SEMA5A: variants seen among roughly 807,000 people sequenced by gnomAD.
The protein encoded by SEMA5A is semaphorin-5A.
In SEMA5A, 55 loss-of-function variants were observed where a neutral mutation model predicts 135.5. That is an observed-to-expected ratio of 0.41 (90% CI 0.33 to 0.51). The LOEUF is 0.51. SEMA5A is among the 20% of genes least tolerant of loss of function. The pLI is 0.37. For missense variants in SEMA5A, 1,290 were observed against 1,419.9 expected, an observed-to-expected ratio of 0.91 and a Z score of 1.47; for synonymous variants, 580 against 546.5, an observed-to-expected ratio of 1.06 and a Z score of -0.85.
At chr5:9,443,785 C>G (rs1758327022) in intron 1 of SEMA5A, among the ~76,000 whole-genome samples, 1 of 152,262 alleles carries the variant, frequency 6.6e-6, no homozygotes, top group Non-Finnish European at 1.5e-5. Flanking sequence ...CATTCCCTTC[C>G]ACTGGCAGAA....
At chr5:9,510,003 T>C (rs535537271) in intron 1 of SEMA5A, among the ~76,000 whole-genome samples, 1 of 152,152 alleles carries the variant, frequency 6.6e-6, no homozygotes, top group South Asian at 2.1e-4. Context: ...AGCAACAGAT[T>C]TTACATGGGG....
intron 11 of SEMA5A, among the ~76,000 whole-genome samples, chr5:9,185,632 A>T (rs193232132): frequency 7.5e-4 from 114 of 152,324 alleles, no homozygotes; most frequent in African/African-American, 2.6e-3. Flanking sequence ...ATGCCATAAA[A>T]TTCACCCACT....
At chr5:9,091,356 A>T (rs1404425065) in intron 16 of SEMA5A, among the ~76,000 whole-genome samples, 2 of 152,152 alleles carry the variant, frequency 1.3e-5, no homozygotes, top group African/African-American at 4.8e-5. Flanking sequence ...TATACTGTAG[A>T]TGTACCCATG....
intron 5 of SEMA5A, among the ~76,000 whole-genome samples, chr5:9,275,374 T>A (rs1334876760): frequency 2.0e-5 from 3 of 152,122 alleles, no homozygotes; most frequent in African/African-American, 7.2e-5. Context: ...CGGGACCAGA[T>A]GGACTCCCAG....
chr5:9,462,647 T>TA (rs1469464578), intron 1 of SEMA5A, among the ~76,000 whole-genome samples: 1 of 151,986 alleles, frequency 6.6e-6, no homozygotes, highest in African/African-American at 2.4e-5. Context: ...ATGCAGCCAT[T>TA]AAAAAAATCA....
intron 10 of SEMA5A, among the ~76,000 whole-genome samples, chr5:9,191,729 T>C (rs1238631091): frequency 6.6e-6 from 1 of 152,252 alleles, no homozygotes; most frequent in African/African-American, 2.4e-5. Context: ...ACGGATTTCA[T>C]GCATCCAGTC....
intron 1 of SEMA5A, among the ~76,000 whole-genome samples, chr5:9,474,789 G>A (rs1405538166): frequency 1.3e-5 from 2 of 152,066 alleles, no homozygotes; most frequent in Non-Finnish European, 1.5e-5. Context: ...CCCCTCGCCC[G>A]AGACACTCTG....
intron 2 of SEMA5A, among the ~76,000 whole-genome samples, chr5:9,393,687 T>C (rs532871634): frequency 1.3e-5 from 2 of 152,188 alleles, no homozygotes; most frequent in Non-Finnish European, 2.9e-5. Flanking sequence ...GCTTTATAAA[T>C]CTTGTAGGAA....
chr5:9,353,373 GAAA>G (rs1754294425), intron 3 of SEMA5A, among the ~76,000 whole-genome samples: 1 of 147,200 alleles, frequency 6.8e-6, no homozygotes, highest in Non-Finnish European at 1.5e-5. Flanking sequence ...GAAAGGAAAG[GAAA>G]GGAAAGGAAA....
At position 9,181,130 on chromosome 5, in the gene SEMA5A, G is replaced by A. The variant is rs542299295; in HGVS notation, c.1273+9137C>T. The stretch of plus-strand genomic sequence containing the variant: ...CCCCCAGGTACATCAGGGCATCTCC[G>A]CTTTTTTCCCTGAGGTTATTCTGAC... On this transcript the variant is annotated intron_variant, in intron 11 of 22. Coordinates refer to ENST00000382496, the MANE Select transcript of SEMA5A (RefSeq NM_003966.3). 1.3e-3 allele frequency among the ~76,000 whole-genome samples: 198 copies of A among 152,140 alleles called. 1 individual carries two copies. The highest frequency in any genetic ancestry group is 4.3e-3 in the African/African-American group (177 of 41,514).
At chr5:9,235,567 A>G (rs2150445757) in intron 6 of SEMA5A, among the ~76,000 whole-genome samples, 1 of 150,370 alleles carries the variant, frequency 6.7e-6, no homozygotes. Flanking sequence ...GGGAGTGTTA[A>G]GATCGGACGA....
chr5:9,503,538 A>G (rs1735701490), intron 1 of SEMA5A, among the ~76,000 whole-genome samples: 1 of 152,224 alleles, frequency 6.6e-6, no homozygotes, highest in Admixed American at 6.5e-5. Flanking sequence ...ATTCATCCAC[A>G]CGCTGGAGCC....
At chr5:9,399,147 C>T (rs1460039435) in intron 2 of SEMA5A, among the ~76,000 whole-genome samples, 1 of 152,176 alleles carries the variant, frequency 6.6e-6, no homozygotes, top group Non-Finnish European at 1.5e-5. Flanking sequence ...TGTACATGAA[C>T]ATTCATAGCA....
intron 5 of SEMA5A, among the ~76,000 whole-genome samples, chr5:9,239,957 C>T (rs551260612): frequency 4.6e-5 from 7 of 152,032 alleles, no homozygotes; most frequent in South Asian, 2.1e-4. Flanking sequence ...TCAGATCCTG[C>T]GGCTGAAATG....
chr5:9,165,819 T>G (rs1050953880), intron 11 of SEMA5A, among the ~76,000 whole-genome samples: 2 of 152,224 alleles, frequency 1.3e-5, no homozygotes, highest in African/African-American at 4.8e-5. Flanking sequence ...ATAAAGTTCA[T>G]CAATTCAGCT....
At chr5:9,275,330 G>T (rs750495308) in intron 5 of SEMA5A, among the ~76,000 whole-genome samples, 18 of 152,100 alleles carry the variant, frequency 1.2e-4, no homozygotes, top group Non-Finnish European at 2.6e-4. Context: ...TAAAATTGAG[G>T]CAGCAATTAA....
intron 2 of SEMA5A, among the ~76,000 whole-genome samples, chr5:9,404,445 TAAAG>T (rs1426383951): frequency 6.6e-6 from 1 of 152,168 alleles, no homozygotes; most frequent in African/African-American, 2.4e-5. Context: ...ATATATATGT[TAAAG>T]AGAAAAATAG....
At chr5:9,217,841 C>T (rs145601264) in intron 8 of SEMA5A, among the ~76,000 whole-genome samples, 1 of 152,152 alleles carries the variant, frequency 6.6e-6, no homozygotes, top group Non-Finnish European at 1.5e-5. Context: ...CTCTGTCAGA[C>T]CTGTGAAGTT....
intron 8 of SEMA5A, among the ~76,000 whole-genome samples, chr5:9,212,926 A>G (rs953706300): frequency 2.6e-5 from 4 of 152,214 alleles, no homozygotes; most frequent in Admixed American, 1.3e-4. Flanking sequence ...TAAACTCGGC[A>G]GCTTATAAAC....
Sources: allele counts gnomAD v4.1 joint callset (sites outside exome capture counted in the v4.1 genomes callset), GRCh38; gene constraint gnomAD v4.1.1; transcripts MANE v1.5; gene names NCBI Gene and HGNC (gene_info 2026-07-23, HGNC 2026-07-21).